The following RPRD2 variants were observed in gnomAD, a reference collection of about 807,000 sequenced individuals.
RPRD2 encodes the protein regulation of nuclear pre-mRNA domain-containing protein 2.
Under a neutral mutation model 104.4 loss-of-function variants are expected in RPRD2, and 12 were observed. That is an observed-to-expected ratio of 0.11 (90% CI 0.07 to 0.19). The LOEUF (loss-of-function observed/expected upper bound fraction) is 0.19, where lower values mean the gene tolerates loss of function less well. Among genes scored for constraint, RPRD2 ranks in the 10% least tolerant of loss-of-function variants. The pLI is 1.00. For synonymous variants in RPRD2, 714 were observed against 684.9 expected (o/e 1.04, Z -0.66); for missense variants, 1,543 against 1,790.1 (o/e 0.86, Z 2.49).
In RPRD2 at chr1:150,370,075, C is replaced by T. The variant is rs1375313660; in HGVS notation, c.205+5156C>T. ...GGGATTACAGGCGTGAGCCACCACGCCCGGCCAAATTTTTATGTTTTTTGT... is the reference window on the plus strand; with the variant it reads ...GGGATTACAGGCGTGAGCCACCACGTCCGGCCAAATTTTTATGTTTTTTGT... On this transcript the variant is annotated intron_variant, in intron 1 of 10. Coordinates refer to ENST00000369068, the MANE Select transcript of RPRD2 (RefSeq NM_015203.5). Among the ~76,000 whole-genome samples, 12 of 152,262 alleles carry T rather than the reference C, an allele frequency of 7.9e-5. No individual in the cohort carries two copies. In the East Asian group the frequency reaches 2.1e-3, roughly 27 times the overall value.
chr1:150,423,418 T>C (rs1664899591), intron 2 of RPRD2, among the ~76,000 whole-genome samples: 1 of 152,224 alleles, frequency 6.6e-6, no homozygotes, highest in African/African-American at 2.4e-5. Flanking sequence ...ATCCTGTCCC[T>C]ATCCCAGGTT....
chr1:150,411,285 AC>A (rs1663880984), intron 1 of RPRD2, among the ~76,000 whole-genome samples: 1 of 148,994 alleles, frequency 6.7e-6, no homozygotes. Context: ...ACATGATGAA[AC>A]CCCGTTTCTA....
intron 1 of RPRD2, among the ~76,000 whole-genome samples, chr1:150,374,362 A>T (rs1468897978): frequency 6.6e-6 from 1 of 152,188 alleles, no homozygotes; most frequent in Non-Finnish European, 1.5e-5. Flanking sequence ...TCTGGTGTTC[A>T]TTGGTGTCCT....
At chr1:150,387,566 CCTTTTTTTTTTTTTTT>C (rs1661666662) in intron 1 of RPRD2, among the ~76,000 whole-genome samples, 5 of 70,114 alleles carry the variant, frequency 7.1e-5, no homozygotes, top group South Asian at 5.8e-4. Flanking sequence ...TTGCAACAGA[CCTTTTTTTTTTTTTTT>C]TTTTTTTTTT....
chr1:150,440,050 A>T (rs1170724685), intron 2 of RPRD2, among the ~76,000 whole-genome samples: 1 of 151,904 alleles, frequency 6.6e-6, no homozygotes, highest in Non-Finnish European at 1.5e-5. Flanking sequence ...TACAGTACAG[A>T]TCCTCTTGCC....
intron 1 of RPRD2, among the ~76,000 whole-genome samples, chr1:150,405,959 A>G (rs921444557): frequency 6.6e-6 from 1 of 152,170 alleles, no homozygotes; most frequent in African/African-American, 2.4e-5. Flanking sequence ...GATGCTTTTA[A>G]TTTGGATATG....
At chr1:150,380,404 T>A (rs1048326771) in intron 1 of RPRD2, among the ~76,000 whole-genome samples, 2 of 151,372 alleles carry the variant, frequency 1.3e-5, no homozygotes, top group Admixed American at 1.3e-4. Flanking sequence ...TTTTTTTTTG[T>A]TTTTTTTCCT....
At chr1:150,377,486 T>C (rs587644153) in intron 1 of RPRD2, among the ~76,000 whole-genome samples, 67 of 151,528 alleles carry the variant, frequency 4.4e-4, no homozygotes, top group Middle Eastern at 3.4e-3. Context: ...TAGTCCCAGC[T>C]ACTCGGGAGG....
chr1:150,468,677 G>A lies in RPRD2; in HGVS notation c.1613-1884G>A, dbSNP rs145573824. On this transcript the variant is annotated intron_variant, in intron 10 of 10. Transcript: ENST00000369068. ...CAATCACTTGAGCCCAAGATTTTGA[G>A]ATCAGCCTGCGCAACATGGTGAGAC... 2.5e-3 allele frequency among the ~76,000 whole-genome samples: 387 copies of A among 152,272 alleles called. 2 individuals are homozygous for A. Among genetic ancestry groups the A allele is most frequent in the Non-Finnish European group, 3.9e-3 (264 of 68,028 alleles).
Position 150,417,631 on chromosome 1 carries a change from G to A in RPRD2, c.241G>A (p.Ala81Thr). Residue 81 changes from alanine to threonine, a missense_variant, in exon 2 of 11, where the codon GCC becomes ACC. Coordinates refer to ENST00000369068, the MANE Select transcript of RPRD2 (RefSeq NM_015203.5). ...YPHRLNLFYL[A>T]NDVIQNCKRK... ...CCACCGTTTGAATCTCTTTTACCTT[G>A]CCAATGATGTCATACAGAACTGTAA... 1 of 1,596,688 alleles carries A rather than the reference G, an allele frequency of 6.3e-7. No homozygotes were observed. The highest frequency in any genetic ancestry group is 8.6e-7 in the Non-Finnish European group (1 of 1,168,796).
chr1:150,436,296 C>T (rs587660184), intron 2 of RPRD2, among the ~76,000 whole-genome samples: 1 of 152,186 alleles, frequency 6.6e-6, no homozygotes, highest in Non-Finnish European at 1.5e-5. Context: ...CCTTTCAATT[C>T]TTGTTGTTTA....
At chr1:150,381,248 C>T (rs1553880737) in intron 1 of RPRD2, among the ~76,000 whole-genome samples, 2 of 146,714 alleles carry the variant, frequency 1.4e-5, no homozygotes, top group African/African-American at 5.2e-5. Flanking sequence ...CATAGTGAGA[C>T]CCCCATCTCT....
chr1:150,466,011 CAAAAAAA>C (rs71578500), intron 10 of RPRD2, among the ~76,000 whole-genome samples: 52 of 69,264 alleles, frequency 7.5e-4, no homozygotes, highest in Admixed American at 2.1e-3. Context: ...AGACTCAGTC[CAAAAAAA>C]AAAAAAAAAA....
chr1:150,471,329 T>A lies in RPRD2; in HGVS notation c.2381T>A (p.Leu794Gln). Residue 794 changes from leucine (L) to glutamine (Q), a missense_variant, in exon 11 of 11, where the codon CTG (leucine) becomes CAG (glutamine). Physicochemically the swap from Leu to Gln is moderately radical, Grantham distance 113 (BLOSUM62 -2). Transcript: ENST00000369068. The surrounding 1 kb of genome is among the most constrained non-coding windows in gnomAD (Gnocchi z 5.3). ...GTATCTACATATCGACCCTTTGGTC[T>A]GGGCAGTGAATCTCCCTATAAGCAG... The part of the protein sequence containing the change: ...NSVSTYRPFG[L>Q]GSESPYKQPS... 6.2e-7 allele frequency: 1 copy of A among 1,613,764 alleles called. No individual in the cohort carries two copies. Among genetic ancestry groups the A allele is most frequent in the Non-Finnish European group, 8.5e-7 (1 of 1,179,870 alleles).
At position 150,471,765 on chromosome 1, in the gene RPRD2, C is replaced by T. The variant is rs1176330961; in HGVS notation, c.2817C>T (p.Thr939=). 3.1e-6 allele frequency: 5 copies of T among 1,613,862 alleles called. No homozygotes were observed. The highest frequency in any genetic ancestry group is 1.1e-5 in the South Asian group (1 of 91,078). Residue 939 remains threonine, a synonymous_variant, in exon 11 of 11, where the codon ACC becomes ACT. Coordinates refer to ENST00000369068, the MANE Select transcript of RPRD2 (RefSeq NM_015203.5). This position sits in a 1 kb window ranked among gnomAD's most constrained non-coding sequence, Gnocchi z 5.3. ...CGAGTAAGAATGATTCATTTTTCACCCCTGACTCCAACCACAATAGCTTGT... is the reference window on the plus strand; with the variant it reads ...CGAGTAAGAATGATTCATTTTTCACTCCTGACTCCAACCACAATAGCTTGT... ...PSPSKNDSFF[T]PDSNHNSLSQ...
chr1:150,428,836 A>G (rs1202094313), intron 2 of RPRD2, among the ~76,000 whole-genome samples: 1 of 152,094 alleles, frequency 6.6e-6, no homozygotes, highest in Non-Finnish European at 1.5e-5. Context: ...CTTGTACTTT[A>G]TCAACTTTCC....
At chr1:150,467,772 T>G (rs1471752825) in intron 10 of RPRD2, among the ~76,000 whole-genome samples, 1 of 152,178 alleles carries the variant, frequency 6.6e-6, no homozygotes, top group Non-Finnish European at 1.5e-5. Flanking sequence ...TCTAGCAAGT[T>G]AAATAGATGT....
intron 8 of RPRD2, among the ~76,000 whole-genome samples, chr1:150,458,173 G>A (rs587758891): frequency 4.6e-5 from 7 of 152,254 alleles, no homozygotes; most frequent in African/African-American, 1.7e-4. Flanking sequence ...TACACATTGA[G>A]GCCAGGTGCA....
chr1:150,377,142 C>T (rs1397741306), intron 1 of RPRD2, among the ~76,000 whole-genome samples: 2 of 151,096 alleles, frequency 1.3e-5, no homozygotes, highest in African/African-American at 4.9e-5. Flanking sequence ...ACCCAGGAGG[C>T]AGCAGTTGCA....
Sources: gnomAD v4.1 joint callset for allele counts (sites outside exome capture counted in the v4.1 genomes callset) on GRCh38, gnomAD v4.1.1 for gene constraint, Gnocchi (gnomAD v3.1) non-coding constraint, MANE v1.5 for transcripts, NCBI Gene and HGNC (gene_info 2026-07-23, HGNC 2026-07-21) for gene names.